Variants in USP3 observed in about 807,000 individuals in gnomAD.
USP3 encodes ubiquitin specific peptidase 3, also known as ubiquitin carboxyl-terminal hydrolase 3.
Under a neutral mutation model 72.3 loss-of-function variants are expected in USP3, and 20 were observed. That is an observed-to-expected ratio of 0.28 (90% CI 0.19 to 0.40). USP3 has a LOEUF of 0.40. Ranked by LOEUF, USP3 falls within the 10% of genes least tolerant of loss-of-function variation. The pLI is 1.00. For synonymous variants in USP3, 222 were observed against 225.3 expected, an observed-to-expected ratio of 0.99 and a Z score of 0.13; for missense variants, 479 against 633.9, an observed-to-expected ratio of 0.76 and a Z score of 2.62.
Position 63,558,153 on chromosome 15 carries a change from C to T in USP3, c.498C>T (p.Asn166=). ...CCACAGGCCTTCGGAATTTGGGGAA[C>T]ACATGTTTCATGAATGCCATCCTTC... ...ICATGLRNLG[N]TCFMNAILQS... The change falls in exon 6 of 15, where the codon AAC becomes AAT. Residue 166 remains asparagine (N), a synonymous_variant. Transcript: ENST00000380324. 6.2e-7 allele frequency: 1 copy of T among 1,614,128 alleles called. No individual in the cohort carries two copies. Among genetic ancestry groups the T allele is most frequent in the Non-Finnish European group, 8.5e-7 (1 of 1,180,032 alleles).
rs2066020121 is a variant in USP3 at position 63,528,599 on chromosome 15, A to G, written c.92-4048A>G. On this transcript the variant is annotated intron_variant, in intron 1 of 14. Coordinates refer to ENST00000380324, the MANE Select transcript of USP3 (RefSeq NM_006537.4). The surrounding 1 kb of genome is among the most constrained non-coding windows in gnomAD (Gnocchi z 4.3). ...GGGTATCAGTATGTGTGTGTATATG[A>G]GTATTTCAGCTATATTATGTTTCAT... Among the ~76,000 whole-genome samples, 1 of 152,174 alleles carries G rather than the reference A, an allele frequency of 6.6e-6. No individual in the cohort carries two copies. Among genetic ancestry groups the G allele is most frequent in the Non-Finnish European group, 1.5e-5 (1 of 68,022 alleles).
intron 11 of USP3, among the ~76,000 whole-genome samples, chr15:63,583,446 A>C (rs1335575902): frequency 1.3e-5 from 2 of 152,226 alleles, no homozygotes; most frequent in Non-Finnish European, 2.9e-5. Context: ...CAGAGGAAGA[A>C]GACCTTGTCT....
chr15:63,515,432 C>A (rs1362196237), intron 1 of USP3: 2 of 152,250 alleles, frequency 1.3e-5, no homozygotes, highest in Admixed American at 6.5e-5. Context: ...TGGGGGCAGC[C>A]CCGTGGACCA....
chr15:63,571,778 A>G (rs1284399195), intron 9 of USP3, among the ~76,000 whole-genome samples: 4 of 152,212 alleles, frequency 2.6e-5, no homozygotes, highest in African/African-American at 9.6e-5. Context: ...GGATTAATCT[A>G]TCCCTTTTCA....
chr15:63,560,381 C>A (rs1243485989), intron 7 of USP3, among the ~76,000 whole-genome samples: 14 of 151,124 alleles, frequency 9.3e-5, no homozygotes, highest in South Asian at 6.3e-4. Context: ...GCGCCACTGC[C>A]CTCCAGCCTA....
intron 1 of USP3, among the ~76,000 whole-genome samples, chr15:63,510,038 C>T (rs1033739310): frequency 1.3e-5 from 2 of 152,170 alleles, no homozygotes; most frequent in African/African-American, 2.4e-5. Flanking sequence ...ATAATTTATT[C>T]TCATTCTTTG....
chr15:63,543,945 C>A (rs767221760), intron 3 of USP3, among the ~76,000 whole-genome samples: 22 of 151,364 alleles, frequency 1.5e-4, no homozygotes, highest in Non-Finnish European at 2.8e-4. Context: ...CATGGTGGCT[C>A]ACACCTATAA....
At chr15:63,589,091 CT>C (rs1782453400) in intron 14 of USP3, 80 bp downstream of exon 14, 1 of 1,483,202 alleles carries the variant, frequency 6.7e-7, no homozygotes, top group Admixed American at 1.8e-5. Flanking sequence ...ACCACTCTTG[CT>C]AGTTCTTCCT....
At chr15:63,525,201 C>T (rs944104818) in intron 1 of USP3, among the ~76,000 whole-genome samples, 1 of 152,140 alleles carries the variant, frequency 6.6e-6, no homozygotes, top group Non-Finnish European at 1.5e-5. Context: ...ATCTTTCCTG[C>T]CTTGGACCTG....
chr15:63,530,323 CAT>C (rs2066051233), intron 1 of USP3, among the ~76,000 whole-genome samples: 1 of 141,784 alleles, frequency 7.1e-6, no homozygotes, highest in Admixed American at 7.1e-5. Context: ...TCCTTACATC[CAT>C]CTTTTTTTTT....
chr15:63,540,373 T>A (rs1249302553), intron 3 of USP3, among the ~76,000 whole-genome samples: 3 of 152,248 alleles, frequency 2.0e-5, no homozygotes, highest in Non-Finnish European at 4.4e-5. Flanking sequence ...TTTGTAAATG[T>A]CCTTGGAGAC....
rs2152686162 is a variant in USP3 at position 63,591,614 on chromosome 15, TG to T, written c.*790del. ...AGGTGTTACCAGTGAGGTAAAGCCATGGCGTCTGCCTCCTTTTGAATCAGTA... is the reference window on the plus strand; with the variant it reads ...AGGTGTTACCAGTGAGGTAAAGCCATGCGTCTGCCTCCTTTTGAATCAGTA... On this transcript the variant is annotated 3_prime_UTR_variant, in exon 15 of 15. Transcript: ENST00000380324. 6.6e-6 allele frequency: 1 copy of T among 152,332 alleles called. No individual in the cohort carries two copies. The highest frequency in any genetic ancestry group is 1.5e-5 in the Non-Finnish European group (1 of 68,054). The allele number at this position is 152,332 out of a possible 1,614,324, so 9.4% of individuals were successfully genotyped here.
rs970566065 is a variant in USP3, at chr15:63,588,540, A to G, written c.1215+117A>G. The G allele has an allele frequency of 4.0e-6, 4 of 993,934 alleles. No homozygotes were observed. The highest frequency in any genetic ancestry group is 3.1e-5 in the South Asian group (2 of 63,730). 61.6% of individuals were successfully genotyped at this position (993,934 alleles called of 1,614,324 possible). ...TTCTGTATTTTTCTCTAGGATTTTC[A>G]GTAAAAGCTAAACCCCTTACAGAAT... On this transcript the variant is annotated intron_variant, in intron 12 of 14. Transcript: ENST00000380324. This position sits in a 1 kb window ranked among gnomAD's most constrained non-coding sequence, Gnocchi z 4.6.
rs2152686075 is a variant in USP3 at position 63,591,419 on chromosome 15, A to G, written c.*593A>G. 6.6e-6 allele frequency: 1 copy of G among 152,362 alleles called. No individual in the cohort carries two copies. Among genetic ancestry groups the G allele is most frequent in the East Asian group, 1.9e-4 (1 of 5,198 alleles). 9.4% of individuals were successfully genotyped at this position (152,362 alleles called of 1,614,324 possible). A position where few individuals can be genotyped will look rare whatever the true frequency, so the allele number is the denominator to read the frequency against. On this transcript the variant is annotated 3_prime_UTR_variant, in exon 15 of 15. Transcript: ENST00000380324. ...AAGGCTGCTGTCTTTATCAGCACTA[A>G]CTAAATAAATTTGTTGGTTCAGTTG...
intron 3 of USP3, 100 bp downstream of exon 3, chr15:63,537,256 A>G: frequency 7.5e-7 from 1 of 1,325,430 alleles, no homozygotes; most frequent in Non-Finnish European, 1.0e-6. Flanking sequence ...TACTGCTGTT[A>G]CCTCCTTTTA....
chr15:63,554,834 C>A (rs371065730), intron 4 of USP3, among the ~76,000 whole-genome samples: 13 of 152,222 alleles, frequency 8.5e-5, no homozygotes, highest in East Asian at 5.8e-4. Context: ...TTAAGTACTT[C>A]TTGGTTTGTC....
At chr15:63,559,050 A>G (rs2066560575) in intron 6 of USP3, among the ~76,000 whole-genome samples, 1 of 152,054 alleles carries the variant, frequency 6.6e-6, no homozygotes, top group African/African-American at 2.4e-5. Context: ...TTAAGTTTTA[A>G]CCCATTTATG....
intron 4 of USP3, chr15:63,556,413 C>T (rs986883389): frequency 2.3e-5 from 8 of 341,032 alleles, no homozygotes; most frequent in Admixed American, 4.4e-5. Context: ...GAGTGTCCCA[C>T]GGGCTGCATC....
Position 63,559,942 on chromosome 15 carries a change from C to G in USP3, c.619C>G (p.His207Asp), listed in dbSNP as rs755635248. The change falls in exon 7 of 15, where the codon CAC becomes GAC. Residue 207 changes from histidine (H) to aspartate (D), a missense_variant. His to Asp is a moderately conservative substitution (Grantham distance 81, BLOSUM62 -1). Coordinates refer to ENST00000380324, the MANE Select transcript of USP3 (RefSeq NM_006537.4). ...NGKTAGRRTY[H>D]TRSQGDNNVS... ...GAAAACAGCAGGAAGGCGGACATAC[C>G]ACACCAGGAGCCAAGGGGATAACAA... is the stretch of plus-strand genomic sequence containing the variant. The G allele has an allele frequency of 1.2e-6, 2 of 1,613,976 alleles. No individual in the cohort carries two copies. Among genetic ancestry groups the G allele is most frequent in the Non-Finnish European group, 1.7e-6 (2 of 1,179,918 alleles).
Sources: allele counts gnomAD v4.1 joint callset (sites outside exome capture counted in the v4.1 genomes callset), GRCh38; gene constraint gnomAD v4.1.1; non-coding constraint Gnocchi (gnomAD v3.1); transcripts MANE v1.5; gene names NCBI Gene and HGNC (gene_info 2026-07-23, HGNC 2026-07-21).